The following CTNNA2 variants were observed in gnomAD, a reference collection of about 807,000 sequenced individuals.
CTNNA2 encodes catenin alpha-2.
Under a neutral mutation model 101.0 loss-of-function variants are expected in CTNNA2, and 42 were observed. The ratio of observed to expected loss-of-function variants is 0.42; its 90% confidence interval spans 0.32 to 0.54. The LOEUF (loss-of-function observed/expected upper bound fraction) is 0.54. CTNNA2 is among the 20% of genes least tolerant of loss of function. The pLI is 0.14. For synonymous variants in CTNNA2, 450 were observed against 456.4 expected, an observed-to-expected ratio of 0.99 and a Z score of 0.18; for missense variants, 871 against 1,223.1, an observed-to-expected ratio of 0.71 and a Z score of 4.29.
chr2:79,590,205 A>C (rs1206271178), intron 1 of CTNNA2, among the ~76,000 whole-genome samples: 2 of 152,166 alleles, frequency 1.3e-5, no homozygotes, highest in Non-Finnish European at 2.9e-5. Flanking sequence ...TCCTCTAGCA[A>C]CTTTGCTGAA....
intron 7 of CTNNA2, among the ~76,000 whole-genome samples, chr2:80,202,979 A>G (rs1292359675): frequency 1.3e-5 from 2 of 152,202 alleles, no homozygotes; most frequent in East Asian, 1.9e-4. Context: ...CAGATCTTAC[A>G]TGGATGGCAG....
At chr2:79,641,128 G>T (rs1680422143) in intron 1 of CTNNA2, among the ~76,000 whole-genome samples, 1 of 152,190 alleles carries the variant, frequency 6.6e-6, no homozygotes, top group South Asian at 2.1e-4. Context: ...TCAGAAAGTG[G>T]AATATCTGCC....
intron 7 of CTNNA2, among the ~76,000 whole-genome samples, chr2:80,164,911 T>G (rs1704560065): frequency 6.6e-6 from 1 of 151,640 alleles, no homozygotes; most frequent in Non-Finnish European, 1.5e-5. Flanking sequence ...AAATCTACTC[T>G]TATTTGAACA....
chr2:79,222,145 C>A (rs1674352833), intron 2 of CTNNA2, among the ~76,000 whole-genome samples: 1 of 152,084 alleles, frequency 6.6e-6, no homozygotes, highest in African/African-American at 2.4e-5. Flanking sequence ...CTGATTAGAC[C>A]CAGCACCAGG....
intron 7 of CTNNA2, among the ~76,000 whole-genome samples, chr2:80,274,999 G>A (rs1435300781): frequency 6.6e-6 from 1 of 152,152 alleles, no homozygotes; most frequent in Non-Finnish European, 1.5e-5. Context: ...CATATAGAAG[G>A]TATGTAATAA....
chr2:79,554,521 G>A (rs1042164459), intron 1 of CTNNA2, among the ~76,000 whole-genome samples: 2 of 152,090 alleles, frequency 1.3e-5, no homozygotes, highest in Admixed American at 1.3e-4. Context: ...CAGTGGGACT[G>A]ACACATCTAA....
At chr2:80,425,072 G>T (rs569455036) in intron 9 of CTNNA2, among the ~76,000 whole-genome samples, 1 of 152,308 alleles carries the variant, frequency 6.6e-6, no homozygotes, top group East Asian at 1.9e-4. Flanking sequence ...CTAAGAATTA[G>T]CAAATCCCGG....
intron 3 of CTNNA2, among the ~76,000 whole-genome samples, chr2:79,372,421 C>G (rs1413330634): frequency 6.6e-6 from 1 of 152,146 alleles, no homozygotes; most frequent in African/African-American, 2.4e-5. Context: ...CAGGTCTTCT[C>G]CATTCCCAAG....
intron 2 of CTNNA2, among the ~76,000 whole-genome samples, chr2:79,737,723 A>G (rs1167127253): frequency 1.3e-5 from 2 of 152,212 alleles, no homozygotes; most frequent in East Asian, 3.9e-4. Context: ...CACTTGGAGT[A>G]TCAGTGTGCT....
chr2:79,969,217 A>C (rs146788436), intron 7 of CTNNA2, among the ~76,000 whole-genome samples: 5 of 152,340 alleles, frequency 3.3e-5, no homozygotes, highest in African/African-American at 1.2e-4. Context: ...AAAAATTTTA[A>C]TGTGAACAAG....
chr2:79,274,764 T>G (rs1331334907), intron 2 of CTNNA2, among the ~76,000 whole-genome samples: 1 of 152,028 alleles, frequency 6.6e-6, no homozygotes, highest in East Asian at 1.9e-4. Context: ...TAATAAAAAT[T>G]TAAGCAATGC....
At chr2:79,774,668 A>G (rs1673832356) in intron 3 of CTNNA2, among the ~76,000 whole-genome samples, 1 of 152,220 alleles carries the variant, frequency 6.6e-6, no homozygotes, top group African/African-American at 2.4e-5. Context: ...GTAATACTGA[A>G]CTACAAACTA....
intron 9 of CTNNA2, among the ~76,000 whole-genome samples, chr2:80,515,511 A>G (rs4852570): frequency 0.44 from 65,990 of 151,500 alleles, 14,862 homozygotes; most frequent in African/African-American, 0.51. Context: ...TGAGACCTCA[A>G]AGATATTATT....
chr2:79,749,272 G>A (rs1404920660), intron 3 of CTNNA2, among the ~76,000 whole-genome samples: 1 of 151,910 alleles, frequency 6.6e-6, no homozygotes, highest in Admixed American at 6.6e-5. Flanking sequence ...TGCCGTATGG[G>A]GTCATTCTCG....
intron 2 of CTNNA2, among the ~76,000 whole-genome samples, chr2:79,742,035 T>C: frequency 6.6e-6 from 1 of 152,228 alleles, no homozygotes. Flanking sequence ...AAATGAGGAT[T>C]GATTTGCTTC....
chr2:79,931,863 T>C (rs1359747398), intron 7 of CTNNA2, among the ~76,000 whole-genome samples: 1 of 152,182 alleles, frequency 6.6e-6, no homozygotes, highest in Non-Finnish European at 1.5e-5. Context: ...ATCCAGGGAT[T>C]TGTGGATCCT....
chr2:79,382,668 C>A (rs1678052541), intron 4 of CTNNA2, among the ~76,000 whole-genome samples: 1 of 152,154 alleles, frequency 6.6e-6, no homozygotes, highest in South Asian at 2.1e-4. Context: ...GGCTGGAGTG[C>A]AGTGGCACAA....
At chr2:79,407,926 A>G (rs1678358185) in intron 4 of CTNNA2, among the ~76,000 whole-genome samples, 1 of 152,014 alleles carries the variant, frequency 6.6e-6, no homozygotes, top group South Asian at 2.1e-4. Context: ...TTTGTTATGA[A>G]TCTATTTTAA....
At chr2:80,062,209 C>T (rs974297779) in intron 7 of CTNNA2, among the ~76,000 whole-genome samples, 2 of 152,164 alleles carry the variant, frequency 1.3e-5, no homozygotes, top group Admixed American at 1.3e-4. Context: ...GAAAAAAATG[C>T]CAGTGTTTCT....
Sources: gnomAD v4.1 joint callset for allele counts (sites outside exome capture counted in the v4.1 genomes callset) on GRCh38, gnomAD v4.1.1 for gene constraint, MANE v1.5 for transcripts, NCBI Gene and HGNC (gene_info 2026-07-23, HGNC 2026-07-21) for gene names.